The following SRGAP2 variants were observed in gnomAD, a reference collection of about 807,000 sequenced individuals.
SRGAP2 encodes the protein SLIT-ROBO Rho GTPase activating protein 2.
In SRGAP2, 15 loss-of-function variants were observed where a neutral mutation model predicts 57.2. That is an observed-to-expected ratio of 0.26 (90% CI 0.18 to 0.40). SRGAP2 has a LOEUF of 0.40. Among genes scored for constraint, SRGAP2 ranks in the 10% least tolerant of loss-of-function variants. SRGAP2 has a pLI of 1.00. For synonymous variants in SRGAP2, 249 were observed against 248.0 expected, an observed-to-expected ratio of 1.00 and a Z score of -0.04; for missense variants, 520 against 669.6, an observed-to-expected ratio of 0.78 and a Z score of 2.47.
chr1:206,456,300 T>C (rs550168571), intron 21 of SRGAP2: 2 of 152,316 alleles, frequency 1.3e-5, no homozygotes, highest in South Asian at 4.1e-4. Flanking sequence ...AGTGTAGTTA[T>C]AATTTAATTC....
At position 206,353,038 on chromosome 1, in the gene SRGAP2, T is replaced by C. The variant is rs1676150730; in HGVS notation, c.423+10030T>C. On this transcript the variant is annotated intron_variant, in intron 4 of 22. Coordinates refer to ENST00000573034, the MANE Select transcript of SRGAP2 (RefSeq NM_015326.5). ...TTATTCATTATCTTTGGTTTTTAGT[T>C]CTTTGATTATCATAAGAGTGTAAGC... Among the ~76,000 whole-genome samples the C allele has an allele frequency of 2.6e-5, 4 of 152,114 alleles. No individual in the cohort carries two copies. In the South Asian group the frequency reaches 8.3e-4, roughly 32 times the overall value.
chr1:206,432,505 A>G (rs1269375559), intron 14 of SRGAP2, among the ~76,000 whole-genome samples: 1 of 152,222 alleles, frequency 6.6e-6, no homozygotes, highest in Non-Finnish European at 1.5e-5. Flanking sequence ...TTGTAGTTGC[A>G]AAGTATTAGA....
At chr1:206,440,553 CT>C (rs577791413) in intron 17 of SRGAP2, among the ~76,000 whole-genome samples, 170 of 144,064 alleles carry the variant, frequency 1.2e-3, no homozygotes, top group East Asian at 3.4e-3. Flanking sequence ...AGAAGATTTT[CT>C]TTTTTTTTTT....
chr1:206,444,579 C>G (rs1158031261), intron 17 of SRGAP2, among the ~76,000 whole-genome samples: 3 of 152,226 alleles, frequency 2.0e-5, no homozygotes, highest in Admixed American at 1.3e-4. Flanking sequence ...AACTGGCCAG[C>G]CTTGGATTAG....
rs782420502 is a variant in SRGAP2, at chr1:206,440,055, G to A, written c.1848G>A (p.Met616Ile). The A allele has an allele frequency of 3.8e-6, 3 of 780,896 alleles. No individual in the cohort carries two copies. Among genetic ancestry groups the A allele is most frequent in the East Asian group, 2.4e-5 (1 of 41,254 alleles). The allele number at this position is 780,896 out of a possible 1,614,324, so 48.4% of individuals were successfully genotyped here. A position where few individuals can be genotyped will look rare whatever the true frequency, so the allele number is the denominator to read the frequency against. Residue 616 changes from methionine (M) to isoleucine (I), a missense_variant, in exon 17 of 23, where the codon ATG (methionine) becomes ATA (isoleucine). This residue lies in a region of SRGAP2 where 478 missense variants were observed against 373.6 expected (regional missense o/e 1.28). Transcript: ENST00000573034. ...TGCCCAAAACCACTCTGATTATCAT[G>A]AGATACCTCTTTGCCTTCCTCAATC... is the stretch of plus-strand genomic sequence containing the variant. ...LVLPKTTLII[M>I]RYLFAFLNHL...
intron 5 of SRGAP2, among the ~76,000 whole-genome samples, chr1:206,385,974 A>T (rs1248896397): frequency 2.6e-5 from 4 of 152,216 alleles, no homozygotes; most frequent in African/African-American, 9.6e-5. Context: ...TAGGCAATGG[A>T]AAGAGGGAAA....
chr1:206,437,576 GA>G (rs1164296469), intron 15 of SRGAP2: 1 of 198,822 alleles, frequency 5.0e-6, no homozygotes, highest in Non-Finnish European at 1.0e-5. Flanking sequence ...TGCAGGCCAG[GA>G]GACGTGAGAG....
chr1:206,310,280 AAGAG>A (rs1397976984), intron 3 of SRGAP2, among the ~76,000 whole-genome samples: 2 of 150,822 alleles, frequency 1.3e-5, no homozygotes, highest in Admixed American at 1.3e-4. Context: ...GAAACTCAAT[AAGAG>A]AGGCTCAGGC....
chr1:206,431,595 C>T (rs35012788), intron 14 of SRGAP2, among the ~76,000 whole-genome samples: 6,470 of 152,264 alleles, frequency 0.042, 328 homozygotes, highest in African/African-American at 0.12. Flanking sequence ...ATTCATTGAA[C>T]GAATACATAT....
chr1:206,278,341 ACTT>A (rs1670537205), intron 2 of SRGAP2, among the ~76,000 whole-genome samples: 1 of 142,934 alleles, frequency 7.0e-6, no homozygotes, highest in African/African-American at 2.6e-5. Flanking sequence ...TCTTTCTTCT[ACTT>A]TTTTTTTTTT....
At chr1:206,361,165 G>T (rs1676883553) in intron 4 of SRGAP2, among the ~76,000 whole-genome samples, 1 of 105,648 alleles carries the variant, frequency 9.5e-6, no homozygotes, top group East Asian at 2.5e-4. Flanking sequence ...GTTCTATGAA[G>T]GGGTCAGGAA....
chr1:206,269,531 T>TA (rs1487030931), intron 2 of SRGAP2, among the ~76,000 whole-genome samples: 1 of 113,076 alleles, frequency 8.8e-6, no homozygotes, highest in African/African-American at 3.6e-5. Context: ...AGGCTTGGGG[T>TA]AAAGTCCCAT....
intron 17 of SRGAP2, among the ~76,000 whole-genome samples, chr1:206,442,671 A>T (rs186391024): frequency 6.6e-6 from 1 of 152,126 alleles, no homozygotes; most frequent in African/African-American, 2.4e-5. Flanking sequence ...TTGAAACGAG[A>T]TTGATTTGCT....
intron 21 of SRGAP2, among the ~76,000 whole-genome samples, chr1:206,457,509 A>G (rs1558456991): frequency 6.6e-6 from 1 of 152,122 alleles, no homozygotes; most frequent in Non-Finnish European, 1.5e-5. Flanking sequence ...CCTTGCAGAG[A>G]GGGGGTTCAT....
intron 3 of SRGAP2, among the ~76,000 whole-genome samples, chr1:206,311,599 AG>A (rs1212649018): frequency 6.6e-6 from 1 of 152,258 alleles, no homozygotes; most frequent in East Asian, 1.9e-4. Flanking sequence ...GTTTTGCTGA[AG>A]AACAGGAATT....
intron 2 of SRGAP2, among the ~76,000 whole-genome samples, chr1:206,256,471 A>G (rs1481761282): frequency 2.1e-5 from 3 of 144,308 alleles, no homozygotes; most frequent in African/African-American, 8.0e-5. Context: ...AGTTCTAAAG[A>G]AAGTCCCCGA....
intron 3 of SRGAP2, among the ~76,000 whole-genome samples, chr1:206,318,546 C>T (rs1408638795): frequency 2.6e-5 from 4 of 152,338 alleles, no homozygotes. Flanking sequence ...CCATTTTTTG[C>T]GATGCTGTAA....
chr1:206,210,403 CTTTTTTTT>C (rs71568077), intron 2 of SRGAP2, among the ~76,000 whole-genome samples: 16 of 31,782 alleles, frequency 5.0e-4, no homozygotes, highest in African/African-American at 8.0e-4. Context: ...GGGGTCTTGT[CTTTTTTTT>C]TTTTTTTTTT....
intron 16 of SRGAP2, among the ~76,000 whole-genome samples, chr1:206,439,548 T>A (rs536361907): frequency 1.3e-5 from 2 of 152,012 alleles, no homozygotes; most frequent in Admixed American, 6.6e-5. Context: ...GGCAGCTCCC[T>A]GTCAGTGGTT....
Sources: allele counts gnomAD v4.1 joint callset (sites outside exome capture counted in the v4.1 genomes callset), GRCh38; gene constraint gnomAD v4.1.1; regional missense constraint gnomAD v4.1.1; transcripts MANE v1.5; gene names NCBI Gene and HGNC (gene_info 2026-07-23, HGNC 2026-07-21).